The following MBD5 variants were observed in gnomAD, a reference collection of about 807,000 sequenced individuals.
The protein encoded by MBD5 is methyl-CpG-binding domain protein 5.
In MBD5, 13 loss-of-function variants were observed where a neutral mutation model predicts 117.3. The ratio of observed to expected loss-of-function variants is 0.11; its 90% CI spans 0.07 to 0.18. The LOEUF (loss-of-function observed/expected upper bound fraction) is 0.18. MBD5 is among the 10% of genes least tolerant of loss of function. The pLI is 1.00. For synonymous variants in MBD5, 727 were observed against 766.4 expected, an observed-to-expected ratio of 0.95 and a Z score of 0.85; for missense variants, 1,879 against 2,093.8, an observed-to-expected ratio of 0.90 and a Z score of 2.00.
chr2:148,269,238 CTG>C (rs931219709), intron 3 of MBD5, among the ~76,000 whole-genome samples: 3 of 151,556 alleles, frequency 2.0e-5, no homozygotes, highest in African/African-American at 7.3e-5. Context: ...TTATTTTTCT[CTG>C]TTTCTTTAGG....
intron 3 of MBD5, among the ~76,000 whole-genome samples, chr2:148,233,945 T>C (rs972667878): frequency 3.3e-5 from 5 of 152,182 alleles, no homozygotes; most frequent in Admixed American, 1.3e-4. Flanking sequence ...AAATATTTCA[T>C]TGAACTTTTA....
intron 3 of MBD5, among the ~76,000 whole-genome samples, chr2:148,256,598 T>C (rs998496952): frequency 2.0e-5 from 3 of 152,238 alleles, no homozygotes; most frequent in Admixed American, 2.0e-4. Flanking sequence ...CCATCCACAC[T>C]GCTCTAAGTT....
chr2:148,329,989 G>T (rs528657785), intron 3 of MBD5, among the ~76,000 whole-genome samples: 1 of 147,774 alleles, frequency 6.8e-6, no homozygotes, highest in Non-Finnish European at 1.5e-5. Context: ...AGATAATACC[G>T]ATAAGGTAGG....
chr2:148,197,977 G>C (rs1699040022), intron 2 of MBD5, among the ~76,000 whole-genome samples: 1 of 151,574 alleles, frequency 6.6e-6, no homozygotes, highest in Admixed American at 6.6e-5. Context: ...ACCATGCCCA[G>C]CTAATTGTTG....
Position 148,089,425 on chromosome 2 carries a change from G to T in MBD5, c.-925+67741G>T, listed in dbSNP as rs147570292. Among the ~76,000 whole-genome samples, 45 of 152,080 alleles carry T rather than the reference G, an allele frequency of 3.0e-4. No individual in the cohort carries two copies. In the East Asian group the frequency reaches 8.3e-3, roughly 28 times the overall value. ...TTCATCACCACATGAAACATTCTCCGTGATAGACCATACGATAGACCACAA... is the reference window on the plus strand; with the variant it reads ...TTCATCACCACATGAAACATTCTCCTTGATAGACCATACGATAGACCACAA... On this transcript the variant is annotated intron_variant, in intron 1 of 13. Coordinates refer to ENST00000642680, the MANE Select transcript of MBD5 (RefSeq NM_001378120.1).
chr2:148,408,618 T>C (rs1184193496), intron 4 of MBD5, among the ~76,000 whole-genome samples: 2 of 152,156 alleles, frequency 1.3e-5, no homozygotes, highest in Non-Finnish European at 1.5e-5. Context: ...CTGTAAAACA[T>C]TAACATCCAT....
At chr2:148,447,643 C>T (rs1220572254) in intron 4 of MBD5, 1 of 152,236 alleles carries the variant, frequency 6.6e-6, no homozygotes, top group East Asian at 1.9e-4. Flanking sequence ...AACTGGAGCG[C>T]CAAATCCTTT....
chr2:148,396,314 C>T (rs1704712960), intron 4 of MBD5, among the ~76,000 whole-genome samples: 1 of 152,150 alleles, frequency 6.6e-6, no homozygotes, highest in Admixed American at 6.5e-5. Context: ...TGTTAGAGAG[C>T]AATGGCAGCA....
intron 2 of MBD5, among the ~76,000 whole-genome samples, chr2:148,202,171 G>C (rs904943242): frequency 6.6e-6 from 1 of 152,072 alleles, no homozygotes; most frequent in East Asian, 1.9e-4. Context: ...TACCTTATTA[G>C]GGAAGACAAA....
chr2:148,403,681 A>G (rs1291191345), intron 4 of MBD5, among the ~76,000 whole-genome samples: 1 of 152,220 alleles, frequency 6.6e-6, no homozygotes, highest in African/African-American at 2.4e-5. Flanking sequence ...GTAAAAAATC[A>G]CAACCAGAAT....
intron 3 of MBD5, among the ~76,000 whole-genome samples, chr2:148,301,761 ATTCTT>A (rs1458333346): frequency 1.3e-5 from 2 of 152,118 alleles, no homozygotes; most frequent in African/African-American, 4.8e-5. Flanking sequence ...CACTTGAGGC[ATTCTT>A]TTCTTTAGCA....
At chr2:148,454,842 A>G (rs1706834484) in intron 4 of MBD5, among the ~76,000 whole-genome samples, 1 of 152,158 alleles carries the variant, frequency 6.6e-6, no homozygotes, top group South Asian at 2.1e-4. Context: ...ATTGAAAAAA[A>G]GCATATCAAT....
At chr2:148,227,719 C>T (rs987546176) in intron 2 of MBD5, among the ~76,000 whole-genome samples, 4 of 152,150 alleles carry the variant, frequency 2.6e-5, no homozygotes, top group African/African-American at 9.7e-5. Context: ...TGGCCATTTT[C>T]ACCATATTGA....
At chr2:148,402,457 A>G (rs904636038) in intron 4 of MBD5, among the ~76,000 whole-genome samples, 1 of 152,198 alleles carries the variant, frequency 6.6e-6, no homozygotes, top group Non-Finnish European at 1.5e-5. Context: ...AAACACTGCA[A>G]TCAAGATAAT....
At chr2:148,115,939 G>A (rs977507334) in intron 1 of MBD5, among the ~76,000 whole-genome samples, 5 of 151,976 alleles carry the variant, frequency 3.3e-5, no homozygotes, top group African/African-American at 1.2e-4. Flanking sequence ...ACCTCCCCAG[G>A]CTCAGGTGAT....
chr2:148,367,525 T>A (rs184500236), intron 4 of MBD5, among the ~76,000 whole-genome samples: 75 of 152,218 alleles, frequency 4.9e-4, no homozygotes, highest in Middle Eastern at 3.4e-3. Flanking sequence ...GAAACTGTCA[T>A]CAGAGTGAAC....
At chr2:148,206,598 C>T (rs1699288967) in intron 2 of MBD5, among the ~76,000 whole-genome samples, 1 of 152,170 alleles carries the variant, frequency 6.6e-6, no homozygotes, top group Non-Finnish European at 1.5e-5. Context: ...CAGTCTCTCT[C>T]CATCTCCCCT....
Position 148,469,198 on chromosome 2 carries a change from C to A in MBD5, c.1255C>A (p.His419Asn). 1 of 1,614,058 alleles carries A rather than the reference C, an allele frequency of 6.2e-7. No homozygotes were observed. Among genetic ancestry groups the A allele is most frequent in the Non-Finnish European group, 8.5e-7 (1 of 1,179,970 alleles). ...AACTGTAAAACCTGGTCACATGAATCATGGGAGTCATGTACAAAGAGTTCA... is the reference window on the plus strand; with the variant it reads ...AACTGTAAAACCTGGTCACATGAATAATGGGAGTCATGTACAAAGAGTTCA... Reference protein sequence around the residue: ...LPTVKPGHMNHGSHVQRVQHS... With the variant: ...LPTVKPGHMNNGSHVQRVQHS... The change falls in exon 8 of 14, where the codon CAT (histidine) becomes AAT (asparagine). Residue 419 changes from histidine (H) to asparagine (N), a missense_variant. Physicochemically the swap from His to Asn is moderately conservative, Grantham distance 68. Transcript: ENST00000642680.
intron 1 of MBD5, among the ~76,000 whole-genome samples, chr2:148,035,564 A>G (rs977832915): frequency 1.3e-5 from 2 of 152,220 alleles, no homozygotes; most frequent in Non-Finnish European, 2.9e-5. Context: ...ATGCTCCCCA[A>G]CTTGGTTAAT....
Sources: gnomAD v4.1 joint callset for allele counts (sites outside exome capture counted in the v4.1 genomes callset) on GRCh38, gnomAD v4.1.1 for gene constraint, MANE v1.5 for transcripts, NCBI Gene and HGNC (gene_info 2026-07-23, HGNC 2026-07-21) for gene names.